ESRRG: variants seen among roughly 807,000 people sequenced by gnomAD.
ESRRG encodes the protein estrogen-related receptor gamma.
Under a neutral mutation model 44.0 loss-of-function variants are expected in ESRRG, and 13 were observed. The observed-to-expected ratio is 0.30, with a 90% CI of 0.19 to 0.47. The LOEUF (loss-of-function observed/expected upper bound fraction) is 0.47. Among genes scored for constraint, ESRRG ranks in the 20% least tolerant of loss-of-function variants. ESRRG has a pLI of 1.00. For synonymous variants in ESRRG, 215 were observed against 214.6 expected, an observed-to-expected ratio of 1.00 and a Z score of -0.02; for missense variants, 395 against 580.6, an observed-to-expected ratio of 0.68 and a Z score of 3.29.
At chr1:216,789,933 T>C (rs2094260442) in intron 2 of ESRRG, among the ~76,000 whole-genome samples, 1 of 152,164 alleles carries the variant, frequency 6.6e-6, no homozygotes, top group African/African-American at 2.4e-5. Context: ...CTTCCCACTG[T>C]ACCAGCCAGG....
chr1:216,876,572 TC>T (rs58660245), intron 2 of ESRRG, among the ~76,000 whole-genome samples: 8 of 151,842 alleles, frequency 5.3e-5, no homozygotes, highest in African/African-American at 1.9e-4. Flanking sequence ...ATTTGTTTTT[TC>T]AAATGATAAT....
rs1187377283 is a variant in ESRRG at position 216,593,928 on chromosome 1, TCATTGTGTTGCC to T, written c.590-25842_590-25831del. On this transcript the variant is annotated intron_variant, in intron 3 of 6. Transcript: ENST00000408911. ...TTTTATTGTTGTAGAGACAGGGGTCTCATTGTGTTGCCCAGGCTGGTGTCAAACTCCTGGGCT... is the reference window on the plus strand; with the variant it reads ...TTTTATTGTTGTAGAGACAGGGGTCTCAGGCTGGTGTCAAACTCCTGGGCT... Among the ~76,000 whole-genome samples, 2 of 152,146 alleles carry T rather than the reference TCATTGTGTTGCC, an allele frequency of 1.3e-5. 1 individual carries two copies. The highest frequency in any genetic ancestry group is 1.3e-4 in the Admixed American group (2 of 15,272).
intron 2 of ESRRG, among the ~76,000 whole-genome samples, chr1:216,821,824 C>T (rs2095304382): frequency 6.6e-6 from 1 of 151,680 alleles, no homozygotes. Context: ...ATGCCTATCT[C>T]ACTTGTGTCT....
At chr1:216,652,366 T>C (rs1381051796) in intron 2 of ESRRG, among the ~76,000 whole-genome samples, 2 of 152,188 alleles carry the variant, frequency 1.3e-5, no homozygotes, top group African/African-American at 2.4e-5. Context: ...CGTCTCCTCA[T>C]TAAATATCAC....
At chr1:216,524,062 C>T (rs889215069) in intron 5 of ESRRG, among the ~76,000 whole-genome samples, 1 of 151,780 alleles carries the variant, frequency 6.6e-6, no homozygotes, top group African/African-American at 2.4e-5. Context: ...AACATTTGGT[C>T]TTAGCTACCA....
At chr1:216,544,860 A>G (rs2054002131) in intron 5 of ESRRG, among the ~76,000 whole-genome samples, 1 of 151,978 alleles carries the variant, frequency 6.6e-6, no homozygotes, top group South Asian at 2.1e-4. Flanking sequence ...CATGAAACTG[A>G]CTTTAATAAA....
At chr1:217,116,475 T>A (rs2092728822) in intron 1 of ESRRG, among the ~76,000 whole-genome samples, 2 of 152,202 alleles carry the variant, frequency 1.3e-5, no homozygotes, top group Admixed American at 1.3e-4. Context: ...AAATACAACA[T>A]GATAATAGAA....
At chr1:217,074,092 G>A (rs1309487695) in intron 1 of ESRRG, among the ~76,000 whole-genome samples, 1 of 150,042 alleles carries the variant, frequency 6.7e-6, no homozygotes, top group Non-Finnish European at 1.5e-5. Flanking sequence ...CTGTCGCCCG[G>A]GCTGGTGTGC....
intron 1 of ESRRG, among the ~76,000 whole-genome samples, chr1:217,086,993 C>T (rs1003659046): frequency 1.3e-5 from 2 of 152,056 alleles, no homozygotes; most frequent in Non-Finnish European, 2.9e-5. Flanking sequence ...ATAAATAACC[C>T]CCTTTCCAAT....
intron 2 of ESRRG, among the ~76,000 whole-genome samples, chr1:216,866,826 G>C (rs560643229): frequency 6.6e-6 from 1 of 151,866 alleles, no homozygotes; most frequent in Non-Finnish European, 1.5e-5. Flanking sequence ...TGGCATCCAT[G>C]GTTAGATTTT....
intron 1 of ESRRG, among the ~76,000 whole-genome samples, chr1:217,116,630 A>G (rs1295467746): frequency 6.6e-6 from 1 of 152,208 alleles, no homozygotes; most frequent in Non-Finnish European, 1.5e-5. Context: ...TGGGACAGAA[A>G]ATGAAAAGAG....
intron 2 of ESRRG, among the ~76,000 whole-genome samples, chr1:216,852,196 C>T (rs1436839162): frequency 6.6e-6 from 1 of 152,198 alleles, no homozygotes; most frequent in Non-Finnish European, 1.5e-5. Flanking sequence ...TCTTGAAATT[C>T]ATCATCACCA....
At chr1:216,826,428 A>G (rs2095397316) in intron 2 of ESRRG, among the ~76,000 whole-genome samples, 1 of 152,190 alleles carries the variant, frequency 6.6e-6, no homozygotes, top group African/African-American at 2.4e-5. Context: ...CTCACCAGCC[A>G]TTATCAGCAC....
chr1:217,108,584 G>C (rs775923179), intron 1 of ESRRG, among the ~76,000 whole-genome samples: 1 of 151,994 alleles, frequency 6.6e-6, no homozygotes, highest in Non-Finnish European at 1.5e-5. Context: ...CTATCCCCTT[G>C]GTGCTGTCTT....
chr1:216,744,320 G>T (rs754681494), intron 2 of ESRRG, among the ~76,000 whole-genome samples: 1 of 152,104 alleles, frequency 6.6e-6, no homozygotes, highest in Non-Finnish European at 1.5e-5. Flanking sequence ...TGCACTAGGC[G>T]CTAAACAAAA....
At chr1:216,631,700 T>C (rs191142578) in intron 3 of ESRRG, among the ~76,000 whole-genome samples, 247 of 152,258 alleles carry the variant, frequency 1.6e-3, no homozygotes, top group Non-Finnish European at 3.0e-3. Flanking sequence ...ATACCTATAT[T>C]ATATATGTAT....
intron 1 of ESRRG, among the ~76,000 whole-genome samples, chr1:217,073,410 A>G (rs529893114): frequency 7.9e-5 from 12 of 152,070 alleles, no homozygotes; most frequent in Non-Finnish European, 1.6e-4. Flanking sequence ...AGCTTTCACT[A>G]CTAAGGGGAT....
chr1:216,851,239 C>T (rs2095838398), intron 2 of ESRRG, among the ~76,000 whole-genome samples: 1 of 152,016 alleles, frequency 6.6e-6, no homozygotes, highest in Non-Finnish European at 1.5e-5. Context: ...AGAGTGCCCA[C>T]TCATTACTAA....
chr1:217,021,046 G>GCA (rs1207335055), intron 1 of ESRRG, among the ~76,000 whole-genome samples: 2 of 65,540 alleles, frequency 3.1e-5, no homozygotes, highest in Admixed American at 2.0e-4. Context: ...ACCCTGCCAT[G>GCA]CATACACACA....
Sources: allele counts gnomAD v4.1 joint callset (sites outside exome capture counted in the v4.1 genomes callset), GRCh38; gene constraint gnomAD v4.1.1; transcripts MANE v1.5; gene names NCBI Gene and HGNC (gene_info 2026-07-23, HGNC 2026-07-21).